Variants in PCCB observed in about 807,000 individuals in gnomAD.
PCCB encodes the protein propionyl-CoA carboxylase subunit beta, also known as propionyl-CoA carboxylase beta chain, mitochondrial.
In PCCB, 43 loss-of-function variants were observed where a neutral mutation model predicts 60.7. That is an observed-to-expected ratio of 0.71 (90% CI 0.55 to 0.91). PCCB has a LOEUF of 0.91. Among genes scored for constraint, PCCB ranks in the 40% least tolerant of loss-of-function variants. The pLI is 0.00. For missense variants in PCCB, 766 were observed against 702.8 expected (o/e 1.09, Z -1.02); for synonymous variants, 276 against 255.9 (o/e 1.08, Z -0.75).
Position 136,271,595 on chromosome 3 carries a change from G to A in PCCB, c.543+9530G>A, listed in dbSNP as rs532884630. Among the ~76,000 whole-genome samples, 5 of 152,184 alleles carry A rather than the reference G, an allele frequency of 3.3e-5. No individual in the cohort carries two copies. In the South Asian group the frequency reaches 1.0e-3, roughly 32 times the overall value. On this transcript the variant is annotated intron_variant, in intron 5 of 14. Coordinates refer to ENST00000251654, the MANE Select transcript of PCCB (RefSeq NM_000532.5). Reference sequence around the variant, plus strand: ...CCTCCTTGGTTAGGTATATTCCTAGGTATTTTATTTTATTTTTTGCAGCTG... The same window carrying A: ...CCTCCTTGGTTAGGTATATTCCTAGATATTTTATTTTATTTTTTGCAGCTG...
In PCCB at chr3:136,326,995, C is replaced by G. The variant is rs536757721; in HGVS notation, c.1198+85C>G. 87 of 1,137,596 alleles carry G rather than the reference C, an allele frequency of 7.6e-5. 1 individual carries two copies. In the South Asian group the frequency reaches 1.0e-3, roughly 13 times the overall value. 70.5% of individuals were successfully genotyped at this position (1,137,596 alleles called of 1,614,324 possible). On this transcript the variant is annotated intron_variant, in intron 11 of 14. Transcript: ENST00000251654. ...TATTTGGAGATCTTCTTGCAGAACT[C>G]CCCGAGGACTTGTGACTTCTCCATG... is the stretch of plus-strand genomic sequence containing the variant.
chr3:136,317,111 G>A, intron 10 of PCCB, 47 bp downstream of exon 10: 2 of 1,608,106 alleles, frequency 1.2e-6, no homozygotes, highest in South Asian at 1.1e-5. Flanking sequence ...TGGAGGCCAG[G>A]GAAGCCTGGG....
intron 6 of PCCB, among the ~76,000 whole-genome samples, chr3:136,284,975 C>T (rs972366995): frequency 6.6e-6 from 1 of 151,442 alleles, no homozygotes; most frequent in East Asian, 1.9e-4. Flanking sequence ...GTGGTCCCAG[C>T]TACTTGGGAG....
chr3:136,309,217 C>A (rs977245098), intron 9 of PCCB, among the ~76,000 whole-genome samples: 1 of 146,762 alleles, frequency 6.8e-6, no homozygotes, highest in Non-Finnish European at 1.5e-5. Flanking sequence ...GAGCCCAGAT[C>A]GTGCCACTGC....
At chr3:136,272,654 C>G (rs1942229934) in intron 5 of PCCB, among the ~76,000 whole-genome samples, 1 of 151,976 alleles carries the variant, frequency 6.6e-6, no homozygotes, top group Non-Finnish European at 1.5e-5. Context: ...TCATGTTAGT[C>G]TTGAGTGATC....
At chr3:136,270,961 T>C (rs549485929) in intron 5 of PCCB, among the ~76,000 whole-genome samples, 1 of 152,340 alleles carries the variant, frequency 6.6e-6, no homozygotes, top group Admixed American at 6.5e-5. Flanking sequence ...ATTCATGTCC[T>C]TTGCCTACTT....
chr3:136,317,099 G>A, intron 10 of PCCB, 35 bp downstream of exon 10: 4 of 1,613,478 alleles, frequency 2.5e-6, no homozygotes, highest in Non-Finnish European at 3.4e-6. Context: ...TGGTTTTGGG[G>A]TTGGAGGCCA....
At chr3:136,310,653 A>T (rs964854933) in intron 9 of PCCB, among the ~76,000 whole-genome samples, 2 of 152,192 alleles carry the variant, frequency 1.3e-5, no homozygotes, top group African/African-American at 4.8e-5. Context: ...ACCTTCCAAA[A>T]TTTTTTAAAA....
intron 9 of PCCB, among the ~76,000 whole-genome samples, chr3:136,313,107 A>T (rs1017366382): frequency 8.5e-5 from 13 of 152,208 alleles, no homozygotes; most frequent in African/African-American, 3.1e-4. Flanking sequence ...TTGGAAAGTC[A>T]GTGGAGAAGC....
At chr3:136,262,422 G>A (rs994910257) in intron 5 of PCCB, among the ~76,000 whole-genome samples, 1 of 152,112 alleles carries the variant, frequency 6.6e-6, no homozygotes, top group South Asian at 2.1e-4. Context: ...AAAAAATGTA[G>A]CACCTTTTTT....
At chr3:136,278,058 T>C (rs1033339881) in intron 5 of PCCB, among the ~76,000 whole-genome samples, 2 of 152,214 alleles carry the variant, frequency 1.3e-5, no homozygotes, top group African/African-American at 4.8e-5. Flanking sequence ...GTTGGCTGAC[T>C]TCCCCAAGGT....
At chr3:136,291,679 C>G (rs1462300828) in intron 6 of PCCB, among the ~76,000 whole-genome samples, 4 of 152,142 alleles carry the variant, frequency 2.6e-5, no homozygotes, top group Non-Finnish European at 5.9e-5. Flanking sequence ...TTTCTTCCCT[C>G]GCGTCAGCAG....
At chr3:136,271,777 C>T (rs1244326886) in intron 5 of PCCB, among the ~76,000 whole-genome samples, 3 of 152,020 alleles carry the variant, frequency 2.0e-5, no homozygotes, top group Non-Finnish European at 2.9e-5. Flanking sequence ...CTAGAGTTTT[C>T]CAAGTATATA....
intron 5 of PCCB, among the ~76,000 whole-genome samples, chr3:136,278,435 TTC>T (rs1394396823): frequency 2.0e-5 from 3 of 152,202 alleles, no homozygotes; most frequent in African/African-American, 7.2e-5. Flanking sequence ...CACTATTCTG[TTC>T]TTCTAAGTGG....
Position 136,255,544 on chromosome 3 carries a change from G to A in PCCB, c.184-312G>A, listed in dbSNP as rs1412514593. ...CTCCTTAGGTCTCCAGTAAGTATTT[G>A]TGGAACTAATTAATTGTGTTCCAGG... On this transcript the variant is annotated intron_variant, in intron 1 of 14. Coordinates refer to ENST00000251654, the MANE Select transcript of PCCB (RefSeq NM_000532.5). The A allele has an allele frequency of 7.7e-6, 3 of 391,380 alleles. No individual in the cohort carries two copies. In the Admixed American group the frequency reaches 1.1e-4, roughly 15 times the overall value. 24.2% of individuals were successfully genotyped at this position (391,380 alleles called of 1,614,324 possible).
intron 5 of PCCB, among the ~76,000 whole-genome samples, chr3:136,262,701 A>G (rs1167338165): frequency 1.3e-5 from 2 of 152,212 alleles, no homozygotes; most frequent in Non-Finnish European, 2.9e-5. Context: ...GAAACTGGCA[A>G]CATTTCCAGG....
intron 9 of PCCB, among the ~76,000 whole-genome samples, chr3:136,313,339 A>G (rs1934743745): frequency 6.6e-6 from 1 of 152,222 alleles, no homozygotes; most frequent in Non-Finnish European, 1.5e-5. Flanking sequence ...AATGTAAGCC[A>G]CGTGTAGATT....
intron 3 of PCCB, chr3:136,259,175 G>A: frequency 6.8e-7 from 1 of 1,461,842 alleles, no homozygotes; most frequent in Admixed American, 2.3e-5. Context: ...TTTTAAAACA[G>A]CAAATAATAG....
intron 7 of PCCB, among the ~76,000 whole-genome samples, chr3:136,294,285 C>T (rs1933837023): frequency 6.6e-6 from 1 of 152,164 alleles, no homozygotes; most frequent in Admixed American, 6.5e-5. Flanking sequence ...GGTCATATAT[C>T]ATGTGTTGAT....
Sources: gnomAD v4.1 joint callset for allele counts (sites outside exome capture counted in the v4.1 genomes callset) on GRCh38, gnomAD v4.1.1 for gene constraint, MANE v1.5 for transcripts, NCBI Gene and HGNC (gene_info 2026-07-23, HGNC 2026-07-21) for gene names.